Variants in NLK observed in about 807,000 individuals in gnomAD.
NLK encodes nemo like kinase.
A neutral mutation model predicts 59.0 loss-of-function variants in NLK; 11 were observed. That is an observed-to-expected ratio of 0.19 (90% confidence interval 0.12 to 0.31). The LOEUF is 0.31. Among genes scored for constraint, NLK ranks in the 10% least tolerant of loss-of-function variants. The pLI, the probability that NLK is intolerant of heterozygous loss-of-function variation, is 1.00. For missense variants in NLK, 410 were observed against 661.1 expected, an observed-to-expected ratio of 0.62 and a Z score of 4.16; for synonymous variants, 235 against 235.9, an observed-to-expected ratio of 1.00 and a Z score of 0.03.
chr17:28,084,436 A>C (rs1910445570), intron 1 of NLK, among the ~76,000 whole-genome samples: 1 of 152,238 alleles, frequency 6.6e-6, no homozygotes, highest in Non-Finnish European at 1.5e-5. Flanking sequence ...TGATAGAATC[A>C]GGAACAGAAA....
At position 28,042,846 on chromosome 17, in the gene NLK, C is replaced by T. The variant is rs1337489286; in HGVS notation, c.-28C>T. ...CCAAATGACAGCTTGACCCAGTTTG[C>T]TTTCCAATCAAAGGGCATTTATTTT... On this transcript the variant is annotated 5_prime_UTR_variant, in exon 1 of 11. Coordinates refer to ENST00000407008, the MANE Select transcript of NLK (RefSeq NM_016231.5). 1.4e-6 allele frequency: 2 copies of T among 1,468,866 alleles called. No individual in the cohort carries two copies. Among genetic ancestry groups the T allele is most frequent in the Non-Finnish European group, 1.8e-6 (2 of 1,103,336 alleles). The allele number at this position is 1,468,866 out of a possible 1,614,324, so 91.0% of individuals were successfully genotyped here.
At chr17:28,084,852 G>A (rs1009197553) in intron 1 of NLK, among the ~76,000 whole-genome samples, 2 of 152,028 alleles carry the variant, frequency 1.3e-5, no homozygotes, top group Non-Finnish European at 1.5e-5. Flanking sequence ...GTGAGCCACC[G>A]CACCCAGCCC....
chr17:28,079,613 G>A (rs1004284244), intron 1 of NLK, among the ~76,000 whole-genome samples: 3 of 152,238 alleles, frequency 2.0e-5, no homozygotes, highest in African/African-American at 7.2e-5. Flanking sequence ...GATTAGTGAG[G>A]TTGAGCATCT....
rs375360224 is a variant in NLK at position 28,134,363 on chromosome 17, T to C, written c.644+1688T>C. On this transcript the variant is annotated intron_variant, in intron 3 of 10. Coordinates refer to ENST00000407008, the MANE Select transcript of NLK (RefSeq NM_016231.5). ...CTGTAGTGAGCTGTGATCACACCAC[T>C]GCACTATAGCCTGGGCGACAGAGTG... 9.0e-4 allele frequency among the ~76,000 whole-genome samples: 137 copies of C among 152,288 alleles called. 1 individual carries two copies. Among genetic ancestry groups the C allele is most frequent in the African/African-American group, 3.2e-3 (132 of 41,576 alleles).
downstream of NLK, among the ~76,000 whole-genome samples, chr17:28,201,007 T>C (rs907858845): frequency 2.0e-5 from 3 of 152,228 alleles, no homozygotes; most frequent in Non-Finnish European, 4.4e-5. Context: ...TTGCCATATT[T>C]GCATGGGTCT....
intron 3 of NLK, among the ~76,000 whole-genome samples, chr17:28,148,897 G>A (rs954784668): frequency 1.3e-5 from 2 of 152,124 alleles, no homozygotes; most frequent in African/African-American, 4.8e-5. Context: ...TCTTCTGAAA[G>A]GAAAGACTAA....
chr17:28,144,786 G>A (rs1907171210), intron 3 of NLK, among the ~76,000 whole-genome samples: 1 of 152,188 alleles, frequency 6.6e-6, no homozygotes, highest in Non-Finnish European at 1.5e-5. Context: ...GAGACCTAGA[G>A]GTTTCAGAAG....
At chr17:28,118,458 G>A (rs1364212567) in intron 1 of NLK, among the ~76,000 whole-genome samples, 2 of 152,156 alleles carry the variant, frequency 1.3e-5, no homozygotes, top group East Asian at 3.8e-4. Flanking sequence ...ACATAAAAAT[G>A]AAAGAGAAAC....
intron 9 of NLK, 84 bp from the exon 10 acceptor site, chr17:28,192,036 G>A (rs1198743468): frequency 2.8e-6 from 2 of 709,552 alleles, no homozygotes; most frequent in Non-Finnish European, 4.9e-6. Context: ...GTGCTTTTCA[G>A]ATGCTGGCTA....
intron 2 of NLK, among the ~76,000 whole-genome samples, chr17:28,123,783 C>T (rs914451942): frequency 1.1e-4 from 17 of 152,050 alleles, no homozygotes; most frequent in Non-Finnish European, 1.8e-4. Flanking sequence ...TTCAATTAAT[C>T]CTGAGTTAAA....
At position 28,189,599 on chromosome 17, in the gene NLK, A is replaced by G. The variant is rs150888174; in HGVS notation, c.1237-1422A>G. Among the ~76,000 whole-genome samples, 512 of 152,324 alleles carry G rather than the reference A, an allele frequency of 3.4e-3. 3 individuals carry two copies. The highest frequency in any genetic ancestry group is 0.012 in the African/African-American group (482 of 41,570). On this transcript the variant is annotated intron_variant, in intron 8 of 10. Transcript: ENST00000407008. ...TCATGAACAGAAGTTAAAGAAAAAT[A>G]GAAGGAAAGGGAAGCCAAGGGCTCA...
intron 1 of NLK, among the ~76,000 whole-genome samples, chr17:28,121,490 C>CTTTTT (rs1173382121): frequency 1.8e-5 from 1 of 55,540 alleles, no homozygotes; most frequent in Non-Finnish European, 3.5e-5. Context: ...TTTTTTCTTT[C>CTTTTT]TTTTCTTTTT....
chr17:28,129,453 CAAAAA>C, intron 2 of NLK, among the ~76,000 whole-genome samples: 1 of 150,996 alleles, frequency 6.6e-6, no homozygotes, highest in Admixed American at 6.6e-5. Flanking sequence ...GCTCCCGTCT[CAAAAA>C]AAAGCAAAGG....
intron 2 of NLK, among the ~76,000 whole-genome samples, chr17:28,123,470 T>C (rs1426864870): frequency 6.6e-6 from 1 of 152,194 alleles, no homozygotes; most frequent in African/African-American, 2.4e-5. Flanking sequence ...GATTGACAGG[T>C]AAATATTGAT....
chr17:28,203,983 G>T, the NLK span, among the ~76,000 whole-genome samples: 1 of 152,170 alleles, frequency 6.6e-6, no homozygotes, highest in African/African-American at 2.4e-5. Context: ...TTTCCCCGCT[G>T]TTTTTAGTTT....
chr17:28,107,855 G>T (rs902337960), intron 1 of NLK, among the ~76,000 whole-genome samples: 2 of 152,124 alleles, frequency 1.3e-5, no homozygotes, highest in African/African-American at 4.8e-5. Context: ...GCTCTCAAGG[G>T]TTTATAACTT....
At chr17:28,056,274 C>T (rs1909439846) in intron 1 of NLK, among the ~76,000 whole-genome samples, 1 of 152,248 alleles carries the variant, frequency 6.6e-6, no homozygotes, top group Non-Finnish European at 1.5e-5. Context: ...AGCTCTGCCT[C>T]AAAGAAACTA....
At chr17:28,182,010 A>AAAAC (rs201932041) in intron 7 of NLK, among the ~76,000 whole-genome samples, 1 of 152,208 alleles carries the variant, frequency 6.6e-6, no homozygotes, top group African/African-American at 2.4e-5. Flanking sequence ...ACCCTGTCTC[A>AAAAC]AAACAAACAA....
intron 3 of NLK, among the ~76,000 whole-genome samples, chr17:28,144,463 T>TA (rs1907155671): frequency 6.7e-6 from 1 of 149,240 alleles, no homozygotes. Context: ...AAAATAAATA[T>TA]ATCTCTAAAA....
Sources: allele counts gnomAD v4.1 joint callset (sites outside exome capture counted in the v4.1 genomes callset), GRCh38; gene constraint gnomAD v4.1.1; transcripts MANE v1.5; gene names NCBI Gene and HGNC (gene_info 2026-07-23, HGNC 2026-07-21).